PAWR: variants seen among roughly 807,000 people sequenced by gnomAD.
PAWR encodes pro-apoptotic WT1 regulator, also known as PRKC apoptosis WT1 regulator protein.
PAWR carries 23 observed loss-of-function variants against 32.0 expected under a neutral mutation model. That is an observed-to-expected ratio of 0.72 (90% CI 0.52 to 1.02). The LOEUF (loss-of-function observed/expected upper bound fraction) is 1.02. Ranked by LOEUF, PAWR falls within the 50% of genes least tolerant of loss-of-function variation. PAWR has a pLI of 0.00. For missense variants in PAWR, 457 were observed against 437.7 expected (o/e 1.04, Z -0.39); for synonymous variants, 226 against 187.1 (o/e 1.21, Z -1.70).
intron 2 of PAWR, among the ~76,000 whole-genome samples, chr12:79,659,168 G>A (rs955370442): frequency 2.0e-5 from 3 of 151,778 alleles, no homozygotes; most frequent in Non-Finnish European, 4.4e-5. Context: ...GTGGTGGCGG[G>A]CGCCTGTAGT....
intron 2 of PAWR, among the ~76,000 whole-genome samples, chr12:79,666,320 A>C (rs1332453413): frequency 6.6e-6 from 1 of 152,194 alleles, no homozygotes; most frequent in Non-Finnish European, 1.5e-5. Context: ...AGGTAACTAA[A>C]ACAGCTGATG....
At chr12:79,656,207 A>G (rs1592535125) in intron 2 of PAWR, among the ~76,000 whole-genome samples, 1 of 152,356 alleles carries the variant, frequency 6.6e-6, no homozygotes, top group East Asian at 1.9e-4. Flanking sequence ...GACTTGTCCT[A>G]AAGAAAACAG....
Position 79,589,310 on chromosome 12 carries a change from C to T in PAWR, c.*3297G>A, listed in dbSNP as rs1419112565. On this transcript the variant is annotated 3_prime_UTR_variant, in exon 7 of 7. Transcript: ENST00000328827. ...TATGAATGCTTCTCTATTACACTGA[C>T]TTGTACTATTTTCAAGAAATTAAGT... The T allele has an allele frequency of 3.9e-5, 6 of 152,012 alleles. No homozygotes were observed. The highest frequency in any genetic ancestry group is 8.8e-5 in the Non-Finnish European group (6 of 67,944). 9.4% of individuals were successfully genotyped at this position (152,012 alleles called of 1,614,324 possible).
At chr12:79,631,380 T>A (rs1174860588) in intron 2 of PAWR, among the ~76,000 whole-genome samples, 1 of 152,164 alleles carries the variant, frequency 6.6e-6, no homozygotes, top group Non-Finnish European at 1.5e-5. Flanking sequence ...AAGTAAAATA[T>A]CTTTATTCAT....
intron 2 of PAWR, among the ~76,000 whole-genome samples, chr12:79,648,962 A>G (rs1412820651): frequency 6.6e-6 from 1 of 152,174 alleles, no homozygotes; most frequent in Non-Finnish European, 1.5e-5. Flanking sequence ...TCTGACTACT[A>G]AAGGCTATAA....
chr12:79,595,778 G>C (rs1873727707), intron 5 of PAWR, among the ~76,000 whole-genome samples: 1 of 152,102 alleles, frequency 6.6e-6, no homozygotes. Context: ...CTTGAACCTG[G>C]GAAGTGGAGG....
chr12:79,669,537 T>C (rs1426742872), intron 2 of PAWR, among the ~76,000 whole-genome samples: 2 of 152,138 alleles, frequency 1.3e-5, no homozygotes, highest in Non-Finnish European at 2.9e-5. Flanking sequence ...TATACATACT[T>C]CATTTTCAAG....
At chr12:79,599,049 C>A (rs1369911950) in intron 4 of PAWR, among the ~76,000 whole-genome samples, 1 of 152,190 alleles carries the variant, frequency 6.6e-6, no homozygotes, top group Non-Finnish European at 1.5e-5. Flanking sequence ...GACATTCCTT[C>A]TTTGCATGGA....
chr12:79,658,454 A>G (rs1390450341), intron 2 of PAWR, among the ~76,000 whole-genome samples: 1 of 152,162 alleles, frequency 6.6e-6, no homozygotes, highest in Non-Finnish European at 1.5e-5. Context: ...TTATCGGACA[A>G]CCAAGCAGAG....
At chr12:79,689,641 C>A (rs1878869149) in intron 2 of PAWR, 88 bp downstream of exon 2, 3 of 1,439,688 alleles carry the variant, frequency 2.1e-6, no homozygotes, top group African/African-American at 1.4e-5. Context: ...GAGGTAAACT[C>A]TGCGCCCCGG....
chr12:79,672,115 C>T, intron 2 of PAWR, among the ~76,000 whole-genome samples: 1 of 152,124 alleles, frequency 6.6e-6, no homozygotes, highest in South Asian at 2.1e-4. Flanking sequence ...CTCTCCATGG[C>T]CCCTACCTCC....
chr12:79,604,460 T>C, intron 4 of PAWR: 5 of 1,074,588 alleles, frequency 4.7e-6, no homozygotes, highest in Non-Finnish European at 5.7e-6. Context: ...TAAGAGATTA[T>C]AGCTAGAGGA....
intron 3 of PAWR, among the ~76,000 whole-genome samples, chr12:79,614,800 C>T (rs1054531211): frequency 3.3e-5 from 5 of 152,220 alleles, no homozygotes; most frequent in South Asian, 2.1e-4. Flanking sequence ...CTGCATGATG[C>T]GATAAAAGAC....
At chr12:79,613,120 A>G (rs762117532) in intron 4 of PAWR, among the ~76,000 whole-genome samples, 1 of 152,180 alleles carries the variant, frequency 6.6e-6, no homozygotes, top group African/African-American at 2.4e-5. Flanking sequence ...GTGAGGACAC[A>G]GTGAGAAAGT....
chr12:79,668,629 C>T (rs773627783), intron 2 of PAWR, among the ~76,000 whole-genome samples: 11 of 152,156 alleles, frequency 7.2e-5, no homozygotes, highest in East Asian at 5.8e-4. Flanking sequence ...CCCTCACATG[C>T]GCAGTTCAAA....
chr12:79,607,575 A>T (rs1234948479), intron 4 of PAWR, among the ~76,000 whole-genome samples: 2 of 151,832 alleles, frequency 1.3e-5, no homozygotes, highest in Admixed American at 6.6e-5. Flanking sequence ...CAAAAAATTT[A>T]AAAATTAGCT....
chr12:79,634,737 C>A (rs1875877674), intron 2 of PAWR, among the ~76,000 whole-genome samples: 1 of 151,412 alleles, frequency 6.6e-6, no homozygotes, highest in African/African-American at 2.4e-5. Flanking sequence ...TATACTGAGT[C>A]ACTTTGTAGA....
chr12:79,648,222 G>C (rs1336156921), intron 2 of PAWR, among the ~76,000 whole-genome samples: 2 of 152,158 alleles, frequency 1.3e-5, no homozygotes, highest in African/African-American at 4.8e-5. Context: ...GATGACTGCA[G>C]ACTGGTAGGT....
chr12:79,595,937 C>G (rs542972301), intron 5 of PAWR, among the ~76,000 whole-genome samples: 1 of 151,850 alleles, frequency 6.6e-6, no homozygotes, highest in African/African-American at 2.4e-5. Context: ...AGAAATGTGA[C>G]CTCAAAAAAT....
Sources: allele counts gnomAD v4.1 joint callset (sites outside exome capture counted in the v4.1 genomes callset), GRCh38; gene constraint gnomAD v4.1.1; transcripts MANE v1.5; gene names NCBI Gene and HGNC (gene_info 2026-07-23, HGNC 2026-07-21).